QTRT1: variants seen among roughly 807,000 people sequenced by gnomAD.
The protein encoded by QTRT1 is queuine tRNA-ribosyltransferase catalytic subunit 1, also known as TGT, 43-KD subunit.
In QTRT1, 41 loss-of-function variants were observed where a neutral mutation model predicts 44.0. The observed-to-expected ratio is 0.93, with a 90% confidence interval of 0.73 to 1.21. QTRT1 has a LOEUF of 1.21. Among genes scored for constraint, QTRT1 ranks in the 50% most tolerant of loss-of-function variants. QTRT1 has a pLI of 0.00. For synonymous variants in QTRT1, 226 were observed against 237.1 expected (o/e 0.95, Z 0.43); for missense variants, 542 against 575.8 (o/e 0.94, Z 0.60).
intron 2 of QTRT1, 42 bp downstream of exon 2, chr19:10,702,060 G>C: frequency 6.2e-7 from 1 of 1,613,960 alleles, no homozygotes; most frequent in South Asian, 1.1e-5. Context: ...CCCTTCTCTG[G>C]AGTGAAGGGT....
At chr19:10,704,286 TTTTG>T (rs1054401431) in intron 3 of QTRT1, among the ~76,000 whole-genome samples, 8 of 152,272 alleles carry the variant, frequency 5.3e-5, no homozygotes, top group East Asian at 1.9e-4. Context: ...CCCATGTGTT[TTTTG>T]TTTGTTTGTT....
rs546409170 is a variant in QTRT1, at chr19:10,712,022, T to C, written c.647-139T>C. ...CCCTCTCCGTCTCCCTCTCCGTCTC[T>C]GGCTCTGTCTGTCTGTCTCTGTCTG... On this transcript the variant is annotated intron_variant, in intron 5 of 9. Transcript: ENST00000250237. This position sits in a 1 kb window ranked among gnomAD's most constrained non-coding sequence, Gnocchi z 5.6. 2.8e-6 allele frequency: 3 copies of C among 1,069,666 alleles called. No homozygotes were observed. Among genetic ancestry groups the C allele is most frequent in the Admixed American group, 3.8e-5 (2 of 52,238 alleles). 66.3% of individuals were successfully genotyped at this position (1,069,666 alleles called of 1,614,324 possible).
intron 3 of QTRT1, among the ~76,000 whole-genome samples, chr19:10,703,645 A>G (rs1156394412): frequency 1.3e-5 from 2 of 151,982 alleles, no homozygotes; most frequent in Non-Finnish European, 2.9e-5. Context: ...TAGCCTCCCA[A>G]GTAGCTGGGA....
rs1426685196 is a variant in QTRT1 at position 10,701,664 on chromosome 19, C to T, written c.204C>T (p.Arg68=). 4 of 1,591,074 alleles carry T rather than the reference C, an allele frequency of 2.5e-6. No homozygotes were observed. Among genetic ancestry groups the T allele is most frequent in the Non-Finnish European group, 3.4e-6 (4 of 1,169,830 alleles). The change falls in exon 1 of 10, where the codon CGC becomes CGT. Residue 68 remains arginine (R), a synonymous_variant. Coordinates refer to ENST00000250237, the MANE Select transcript of QTRT1 (RefSeq NM_031209.3). ...AACAGCTGGACGCTCTGGGTTGCCG[C>T]ATCTGCCTGGGCAATACCTACCATC... is the stretch of plus-strand genomic sequence containing the variant. ...TTEQLDALGC[R]ICLGNTYHLG... is the part of the protein sequence containing the mutation.
chr19:10,701,727 G>C (rs1568251440), intron 1 of QTRT1, 24 bp downstream of exon 1: 3 of 1,565,058 alleles, frequency 1.9e-6, no homozygotes, highest in African/African-American at 1.4e-5. Context: ...GCCCGCGCGG[G>C]GAGGCGGCGA....
intron 5 of QTRT1, among the ~76,000 whole-genome samples, chr19:10,708,640 C>T (rs572081676): frequency 3.3e-5 from 5 of 152,164 alleles, no homozygotes; most frequent in Non-Finnish European, 5.9e-5. Flanking sequence ...TCCCATGATC[C>T]GACCAGAGTT....
At chr19:10,711,062 A>G (rs1200245618) in intron 5 of QTRT1, 1 of 152,116 alleles carries the variant, frequency 6.6e-6, no homozygotes, top group African/African-American at 2.4e-5. Context: ...TGCGTTATGT[A>G]TTTGTCCTAA....
At chr19:10,702,643 A>C (rs2068695317) in intron 3 of QTRT1, among the ~76,000 whole-genome samples, 1 of 151,986 alleles carries the variant, frequency 6.6e-6, no homozygotes, top group African/African-American at 2.4e-5. Context: ...GTCTCTACCA[A>C]AATAAAAAAT....
chr19:10,713,155 A>G lies in QTRT1; in HGVS notation c.1097A>G (p.Glu366Gly). 6.2e-7 allele frequency: 1 copy of G among 1,609,352 alleles called. No individual in the cohort carries two copies. Among genetic ancestry groups the G allele is most frequent in the African/African-American group, 1.3e-5 (1 of 75,000 alleles). Reference sequence around the variant, plus strand: ...AGCGCCGTCCGCACCAGCATCGTGGAGAAGCGCTTCCCGGACTTCGTGCGG... The same window carrying G: ...AGCGCCGTCCGCACCAGCATCGTGGGGAAGCGCTTCCCGGACTTCGTGCGG... ...LMSAVRTSIV[E>G]KRFPDFVRDF... Residue 366 changes from glutamate (E) to glycine (G), a missense_variant, in exon 10 of 10, where the codon GAG becomes GGG. Physicochemically the swap from Glu to Gly is moderately conservative, Grantham distance 98. Coordinates refer to ENST00000250237, the MANE Select transcript of QTRT1 (RefSeq NM_031209.3). This position sits in a 1 kb window ranked among gnomAD's most constrained non-coding sequence, Gnocchi z 4.3.
At position 10,712,066 on chromosome 19, in the gene QTRT1, T is replaced by C. The variant is rs2068740912; in HGVS notation, c.647-95T>C. The C allele has an allele frequency of 1.3e-6, 2 of 1,509,510 alleles. No individual in the cohort carries two copies. Among genetic ancestry groups the C allele is most frequent in the Non-Finnish European group, 1.8e-6 (2 of 1,098,006 alleles). The allele number at this position is 1,509,510 out of a possible 1,614,324, so 93.5% of individuals were successfully genotyped here. On this transcript the variant is annotated intron_variant, in intron 5 of 9. Transcript: ENST00000250237. The surrounding 1 kb of genome is among the most constrained non-coding windows in gnomAD (Gnocchi z 5.6). The stretch of plus-strand genomic sequence containing the variant: ...CTGTCTGTTTCTCTGACTCTCTCCC[T>C]GAGCGACTCTGGAAGTCTGGGCAGG...
intron 5 of QTRT1, among the ~76,000 whole-genome samples, chr19:10,710,501 G>T (rs1421883246): frequency 6.6e-6 from 1 of 152,008 alleles, no homozygotes; most frequent in African/African-American, 2.4e-5. Flanking sequence ...ATTTTTAGTA[G>T]GGATGGGGTT....
At chr19:10,709,750 G>A (rs560427693) in intron 5 of QTRT1, among the ~76,000 whole-genome samples, 6 of 152,276 alleles carry the variant, frequency 3.9e-5, no homozygotes, top group East Asian at 1.9e-4. Context: ...TCGGGAGGCC[G>A]AGGCAGGAGA....
In QTRT1 at chr19:10,711,842, AACAGTTT is replaced by A. The variant is rs1369175971; in HGVS notation, c.647-318_647-312del. On this transcript the variant is annotated intron_variant, in intron 5 of 9. Coordinates refer to ENST00000250237, the MANE Select transcript of QTRT1 (RefSeq NM_031209.3). ...TGAATTCTGAAACACATCTGGTTCC[AACAGTTT>A]CAGCTAAGGGACTGTGGGCTGTGCC... 4.4e-5 allele frequency: 20 copies of A among 453,502 alleles called. No individual in the cohort carries two copies. In the Admixed American group the frequency reaches 6.1e-4, roughly 14 times the overall value. The allele number at this position is 453,502 out of a possible 1,614,324, so 28.1% of individuals were successfully genotyped here.
Position 10,713,224 on chromosome 19 carries a change from C to G in QTRT1, c.1166C>G (p.Thr389Ser), listed in dbSNP as rs755160955. 1.0e-5 allele frequency: 16 copies of G among 1,605,312 alleles called. No individual in the cohort carries two copies. The highest frequency in any genetic ancestry group is 1.3e-5 in the Non-Finnish European group (15 of 1,175,836). ...AMYGDPTLCP[T>S]WATDALASVG... is the part of the protein sequence containing the mutation. The stretch of plus-strand genomic sequence containing the variant: ...TACGGGGATCCCACCCTCTGTCCCA[C>G]CTGGGCCACTGACGCTCTGGCCTCT... Residue 389 changes from threonine to serine, a missense_variant, in exon 10 of 10, where the codon ACC becomes AGC. Physicochemically the swap from Thr to Ser is moderately conservative, Grantham distance 58. Coordinates refer to ENST00000250237, the MANE Select transcript of QTRT1 (RefSeq NM_031209.3). This position sits in a 1 kb window ranked among gnomAD's most constrained non-coding sequence, Gnocchi z 4.3.
chr19:10,712,458 G>A lies in QTRT1; in HGVS notation c.786-95G>A, dbSNP rs1568254268. The stretch of plus-strand genomic sequence containing the variant: ...CTGTCCCTTGGGGGCCATTCTGAGG[G>A]AATATGGCCCAGTCTGGGGCAGTGT... On this transcript the variant is annotated intron_variant, in intron 6 of 9. Transcript: ENST00000250237. The surrounding 1 kb of genome is among the most constrained non-coding windows in gnomAD (Gnocchi z 5.6). 2.8e-6 allele frequency: 4 copies of A among 1,447,902 alleles called. No individual in the cohort carries two copies. Among genetic ancestry groups the A allele is most frequent in the Non-Finnish European group, 3.9e-6 (4 of 1,033,932 alleles). 89.7% of individuals were successfully genotyped at this position (1,447,902 alleles called of 1,614,324 possible).
In QTRT1 at chr19:10,709,642, A is replaced by C. The variant is rs933380977; in HGVS notation, c.646+2027A>C. ...GCGGGCAAATCATTGAGGTCGGGAG[A>C]TCGAGACCAACCTGGCTAACACGGT... is the stretch of plus-strand genomic sequence containing the variant. On this transcript the variant is annotated intron_variant, in intron 5 of 9. Coordinates refer to ENST00000250237, the MANE Select transcript of QTRT1 (RefSeq NM_031209.3). Among the ~76,000 whole-genome samples the C allele has an allele frequency of 7.3e-5, 11 of 151,684 alleles. No homozygotes were observed. In the East Asian group the frequency reaches 2.0e-3, roughly 27 times the overall value.
At chr19:10,702,759 CTTTTTTTTTTT>C (rs34948949) in intron 3 of QTRT1, among the ~76,000 whole-genome samples, 9 of 68,544 alleles carry the variant, frequency 1.3e-4, no homozygotes, top group African/African-American at 3.9e-4. Context: ...CAATATCCTT[CTTTTTTTTTTT>C]TTTTTTTTTT....
Position 10,707,383 on chromosome 19 carries a change from G to A in QTRT1, c.530+3G>A, listed in dbSNP as rs1277463946. On this transcript the variant is annotated splice_donor_region_variant and intron_variant, in intron 4 of 9. Transcript: ENST00000250237. Reference sequence around the variant, plus strand: ...CGTGTGGAGGAGGCCATGTACAGGTGTGTATATGCTGTGTGCATGTGTGGG... The same window carrying A: ...CGTGTGGAGGAGGCCATGTACAGGTATGTATATGCTGTGTGCATGTGTGGG... 1.9e-6 allele frequency: 3 copies of A among 1,612,890 alleles called. No individual in the cohort carries two copies. Among genetic ancestry groups the A allele is most frequent in the South Asian group, 2.2e-5 (2 of 91,060 alleles).
intron 3 of QTRT1, 44 bp downstream of exon 3, chr19:10,702,298 G>T (rs2068694012): frequency 3.2e-6 from 5 of 1,584,922 alleles, no homozygotes; most frequent in African/African-American, 2.8e-5. Context: ...TGTCTGTCAG[G>T]GGGTGAAGTT....
Sources: gnomAD v4.1 joint callset for allele counts (sites outside exome capture counted in the v4.1 genomes callset) on GRCh38, gnomAD v4.1.1 for gene constraint, Gnocchi (gnomAD v3.1) non-coding constraint, MANE v1.5 for transcripts, NCBI Gene and HGNC (gene_info 2026-07-23, HGNC 2026-07-21) for gene names.